CSMD2: variants seen among roughly 807,000 people sequenced by gnomAD.
The protein encoded by CSMD2 is CUB and Sushi multiple domains 2, also known as CUB and sushi domain-containing protein 2.
A neutral mutation model predicts 398.5 loss-of-function variants in CSMD2; 130 were observed. The ratio of observed to expected loss-of-function variants is 0.33; its 90% CI spans 0.28 to 0.38. The LOEUF (loss-of-function observed/expected upper bound fraction) is 0.38, where lower values mean the gene tolerates loss of function less well. Among genes scored for constraint, CSMD2 ranks in the 10% least tolerant of loss-of-function variants. The pLI is 1.00. For synonymous variants in CSMD2, 1,828 were observed against 1,908.5 expected (o/e 0.96, Z 1.10); for missense variants, 3,829 against 4,764.9 (o/e 0.80, Z 5.78).
chr1:33,947,099 C>T (rs1377401319), intron 3 of CSMD2, among the ~76,000 whole-genome samples: 1 of 152,210 alleles, frequency 6.6e-6, no homozygotes, highest in African/African-American at 2.4e-5. Flanking sequence ...CCAATCCTGG[C>T]AAAGGAGCTC....
intron 13 of CSMD2, chr1:33,772,244 G>T: frequency 4.6e-6 from 1 of 219,588 alleles, no homozygotes; most frequent in Non-Finnish European, 8.9e-6. Context: ...TGGCAATGAC[G>T]GTGAGCAGGA....
At chr1:33,563,908 A>C (rs1023249261) in intron 53 of CSMD2, among the ~76,000 whole-genome samples, 2 of 152,176 alleles carry the variant, frequency 1.3e-5, no homozygotes, top group Non-Finnish European at 2.9e-5. Flanking sequence ...CAGCTAACAC[A>C]GTGCTTAGCA....
intron 5 of CSMD2, among the ~76,000 whole-genome samples, chr1:33,855,731 G>A (rs1488840896): frequency 1.3e-5 from 2 of 152,088 alleles, no homozygotes; most frequent in Non-Finnish European, 2.9e-5. Flanking sequence ...CCATGCTCTA[G>A]GATGTTAAAG....
chr1:33,936,115 A>G, intron 3 of CSMD2, among the ~76,000 whole-genome samples, 161 bp from the exon 4 acceptor site: 1 of 152,186 alleles, frequency 6.6e-6, no homozygotes, highest in Admixed American at 6.5e-5. Context: ...CCGCTTCTCA[A>G]GGCTGTAGAT....
At chr1:33,562,469 T>G (rs1388126010) in intron 53 of CSMD2, among the ~76,000 whole-genome samples, 3 of 152,212 alleles carry the variant, frequency 2.0e-5, no homozygotes, top group African/African-American at 7.2e-5. Flanking sequence ...CCAGAGATAC[T>G]GTTGACTGGG....
In CSMD2 at chr1:33,572,535, C is replaced by T. The variant is rs1659691269; in HGVS notation, c.7733G>A (p.Ser2578Asn). 2 of 1,611,074 alleles carry T rather than the reference C, an allele frequency of 1.2e-6. No individual in the cohort carries two copies. Among genetic ancestry groups the T allele is most frequent in the East Asian group, 2.2e-5 (1 of 44,806 alleles). Residue 2578 changes from serine to asparagine, a missense_variant, in exon 50 of 71, where the codon AGC becomes AAC. This residue lies in a region of CSMD2 where 723 missense variants were observed against 758.6 expected (regional missense o/e 0.95). Coordinates refer to ENST00000373381, the MANE Select transcript of CSMD2 (RefSeq NM_001281956.2). The part of the protein sequence containing the change: ...TAECLDTGLW[S>N]NRNVPPQCVP... ...ACACTGTGGTGGGACATTGCGGTTG[C>T]TCCATAGGCCTGTGTCCAGACACTC...
At chr1:33,769,797 T>C (rs1019487763) in intron 13 of CSMD2, among the ~76,000 whole-genome samples, 1 of 152,166 alleles carries the variant, frequency 6.6e-6, no homozygotes, top group African/African-American at 2.4e-5. Context: ...CCCAATCCCC[T>C]TATAGCTCTC....
Position 33,666,046 on chromosome 1 carries a change from A to G in CSMD2, c.4053-2954T>C, listed in dbSNP as rs142235645. 7.5e-3 allele frequency among the ~76,000 whole-genome samples: 1,148 copies of G among 152,246 alleles called. 6 individuals are homozygous for G. Among genetic ancestry groups the G allele is most frequent in the Non-Finnish European group, 9.8e-3 (667 of 68,024 alleles). On this transcript the variant is annotated intron_variant, in intron 25 of 70. Coordinates refer to ENST00000373381, the MANE Select transcript of CSMD2 (RefSeq NM_001281956.2). Reference sequence around the variant, plus strand: ...TCCTGATTCTCCCTACTGATTTGAAATATCCCCTTAGTTGCGGGCTGTTTC... The same window carrying G: ...TCCTGATTCTCCCTACTGATTTGAAGTATCCCCTTAGTTGCGGGCTGTTTC...
intron 55 of CSMD2, among the ~76,000 whole-genome samples, chr1:33,554,251 C>T (rs919079537): frequency 6.1e-5 from 8 of 131,540 alleles, no homozygotes; most frequent in Non-Finnish European, 1.5e-5. Flanking sequence ...AGTACAGTGG[C>T]ACCATCTCAG....
At chr1:33,752,409 C>T (rs558002741) in intron 13 of CSMD2, among the ~76,000 whole-genome samples, 5 of 152,234 alleles carry the variant, frequency 3.3e-5, no homozygotes, top group South Asian at 2.1e-4. Flanking sequence ...CCATATGATA[C>T]GCTGGCTCCG....
chr1:34,120,711 A>G (rs542237205), intron 1 of CSMD2, among the ~76,000 whole-genome samples: 2 of 152,124 alleles, frequency 1.3e-5, no homozygotes, highest in South Asian at 4.1e-4. Context: ...TGCCCGGCTA[A>G]TTTTTGTATT....
intron 1 of CSMD2, among the ~76,000 whole-genome samples, chr1:34,117,594 C>T (rs1435972482): frequency 6.6e-6 from 1 of 151,898 alleles, no homozygotes; most frequent in African/African-American, 2.4e-5. Flanking sequence ...CAGAACACTT[C>T]CAAAATAATT....
rs570257518 is a variant in CSMD2 at position 33,825,682 on chromosome 1, C to G, written c.1111+15G>C. 6.3e-7 allele frequency: 1 copy of G among 1,584,904 alleles called. No homozygotes were observed. Among genetic ancestry groups the G allele is most frequent in the African/African-American group, 1.3e-5 (1 of 74,386 alleles). On this transcript the variant is annotated intron_variant, in intron 7 of 70. Transcript: ENST00000373381. ...GCAAGAGGCCCGGCAGGCGGGCTGG[C>G]GGGCGGACACTTACACACAGACGTC...
At chr1:33,759,710 C>T (rs1649567807) in intron 13 of CSMD2, among the ~76,000 whole-genome samples, 2 of 152,174 alleles carry the variant, frequency 1.3e-5, no homozygotes, top group Admixed American at 6.5e-5. Context: ...ACTCAGATCC[C>T]TCTTGGCATG....
At chr1:33,623,154 T>C (rs1450755987) in intron 36 of CSMD2, among the ~76,000 whole-genome samples, 1 of 152,220 alleles carries the variant, frequency 6.6e-6, no homozygotes, top group Admixed American at 6.5e-5. Flanking sequence ...GGGTACCTGG[T>C]TTATTTTGGG....
chr1:33,577,269 G>T (rs1230540247), intron 49 of CSMD2, 27 bp downstream of exon 49: 1 of 1,575,872 alleles, frequency 6.3e-7, no homozygotes. Flanking sequence ...GAGCTACCTT[G>T]TGACCCCCTT....
chr1:33,926,935 T>C (rs1644145708), intron 4 of CSMD2, among the ~76,000 whole-genome samples: 1 of 152,196 alleles, frequency 6.6e-6, no homozygotes, highest in South Asian at 2.1e-4. Flanking sequence ...CAGGACATTA[T>C]CCTCTCTACT....
intron 1 of CSMD2, among the ~76,000 whole-genome samples, chr1:34,091,342 A>G (rs921795910): frequency 1.2e-4 from 18 of 152,134 alleles, no homozygotes; most frequent in Non-Finnish European, 1.9e-4. Flanking sequence ...AACTTTACCT[A>G]TATTGATTTG....
At chr1:33,651,564 G>A (rs916441506) in intron 28 of CSMD2, among the ~76,000 whole-genome samples, 8 of 152,144 alleles carry the variant, frequency 5.3e-5, no homozygotes, top group Non-Finnish European at 1.5e-5. Flanking sequence ...GGAAGAAGAG[G>A]AGGTTTTGAC....
Sources: allele counts gnomAD v4.1 joint callset (sites outside exome capture counted in the v4.1 genomes callset), GRCh38; gene constraint gnomAD v4.1.1; regional missense constraint gnomAD v4.1.1; transcripts MANE v1.5; gene names NCBI Gene and HGNC (gene_info 2026-07-23, HGNC 2026-07-21).